Variants in COL27A1 observed in about 807,000 individuals in gnomAD.
COL27A1 encodes the protein collagen alpha-1(XXVII) chain.
A neutral mutation model predicts 251.3 loss-of-function variants in COL27A1; 106 were observed. The observed-to-expected ratio is 0.42, with a 90% CI of 0.36 to 0.50. The LOEUF (loss-of-function observed/expected upper bound fraction) is 0.50. Ranked by LOEUF, COL27A1 falls within the 20% of genes least tolerant of loss-of-function variation. The pLI, the probability that COL27A1 is intolerant of heterozygous loss-of-function variation, is 0.00. For missense variants in COL27A1, 2,325 were observed against 2,522.8 expected (o/e 0.92, Z 1.68); for synonymous variants, 1,000 against 986.3 (o/e 1.01, Z -0.26).
At chr9:114,245,826 T>C in intron 23 of COL27A1, 40 bp from the exon 24 acceptor site, 1 of 1,604,560 alleles carries the variant, frequency 6.2e-7, no homozygotes, top group Non-Finnish European at 8.5e-7. Context: ...TAGACTTTCA[T>C]CTCCCATCCC....
At chr9:114,240,369 T>C in intron 20 of COL27A1, 65 bp from the exon 21 acceptor site, 1 of 1,593,602 alleles carries the variant, frequency 6.3e-7, no homozygotes, top group Non-Finnish European at 8.6e-7. Flanking sequence ...GGGGTTGCCT[T>C]GCCAGCCTGC....
At chr9:114,175,502 C>T (rs533450700) in intron 3 of COL27A1, among the ~76,000 whole-genome samples, 1 of 152,336 alleles carries the variant, frequency 6.6e-6, no homozygotes, top group South Asian at 2.1e-4. Flanking sequence ...TAGCACTGGG[C>T]AGCCGGCGGT....
At chr9:114,291,536 G>A (rs2131630228) in intron 48 of COL27A1, among the ~76,000 whole-genome samples, 1 of 152,280 alleles carries the variant, frequency 6.6e-6, no homozygotes. Flanking sequence ...ATCACTTGAG[G>A]TCAGGAGTTC....
At chr9:114,259,155 G>T (rs1188050423) in intron 28 of COL27A1, among the ~76,000 whole-genome samples, 1 of 152,240 alleles carries the variant, frequency 6.6e-6, no homozygotes, top group Non-Finnish European at 1.5e-5. Flanking sequence ...GGGACTGGCA[G>T]GGGAAGACCT....
At chr9:114,194,278 G>T in intron 5 of COL27A1, 126 bp from the exon 6 acceptor site, 1 of 864,502 alleles carries the variant, frequency 1.2e-6, no homozygotes, top group East Asian at 2.4e-5. Context: ...CTCTGGAGGT[G>T]TGTGAGTGGG....
At chr9:114,233,978 A>G (rs1832158371) in intron 16 of COL27A1, among the ~76,000 whole-genome samples, 1 of 152,014 alleles carries the variant, frequency 6.6e-6, no homozygotes, top group Non-Finnish European at 1.5e-5. Flanking sequence ...TTCACGTTCC[A>G]AGGTTGCTCC....
intron 3 of COL27A1, among the ~76,000 whole-genome samples, chr9:114,174,403 T>C (rs1849540659): frequency 6.6e-6 from 1 of 152,084 alleles, no homozygotes; most frequent in Admixed American, 6.5e-5. Flanking sequence ...GTTAAAACCT[T>C]GAGCAGGGGT....
intron 10 of COL27A1, among the ~76,000 whole-genome samples, chr9:114,207,201 C>G (rs1351752247): frequency 6.6e-6 from 1 of 152,132 alleles, no homozygotes; most frequent in Non-Finnish European, 1.5e-5. Flanking sequence ...TGAGCCAAAG[C>G]TATTTATATT....
rs202076305 is a variant in COL27A1 at position 114,306,719 on chromosome 9, G to A, written c.5107+31G>A. The A allele has an allele frequency of 2.8e-5, 45 of 1,604,330 alleles. 1 individual carries two copies. Among genetic ancestry groups the A allele is most frequent in the East Asian group, 8.9e-5 (4 of 44,792 alleles). ...AAGGCTTCCTGCCGGGGGTGGGTGC[G>A]CCTGGCGGTGGGGAGCTGGGGCAGG... is the stretch of plus-strand genomic sequence containing the variant. On this transcript the variant is annotated intron_variant, in intron 58 of 60. Transcript: ENST00000356083.
chr9:114,274,024 C>T (rs1165101591), intron 36 of COL27A1: 1 of 152,100 alleles, frequency 6.6e-6, no homozygotes, highest in Non-Finnish European at 1.5e-5. Context: ...AGTGGATCAT[C>T]TGAGGTCAGG....
At chr9:114,192,946 G>A (rs1263233647) in intron 5 of COL27A1, among the ~76,000 whole-genome samples, 1 of 152,226 alleles carries the variant, frequency 6.6e-6, no homozygotes, top group African/African-American at 2.4e-5. Flanking sequence ...CTTCCCATGT[G>A]TTATGACCAT....
intron 1 of COL27A1, among the ~76,000 whole-genome samples, chr9:114,162,495 G>A (rs143103306): frequency 7.2e-5 from 11 of 152,276 alleles, no homozygotes; most frequent in Non-Finnish European, 1.5e-4. Context: ...GGCTGTGTTT[G>A]TCTATATAAG....
intron 49 of COL27A1, 96 bp from the exon 50 acceptor site, chr9:114,299,974 C>T (rs1828502676): frequency 2.6e-6 from 3 of 1,144,984 alleles, no homozygotes; most frequent in South Asian, 1.2e-5. Context: ...CCTGGAAAGG[C>T]TGGGAGGGAA....
intron 24 of COL27A1, 112 bp downstream of exon 24, chr9:114,246,022 A>C: frequency 1.1e-6 from 1 of 910,440 alleles, no homozygotes; most frequent in Non-Finnish European, 1.7e-6. Flanking sequence ...TCTCAGAACA[A>C]CTCCAGAGGT....
rs755571956 is a variant in COL27A1, at chr9:114,284,786, T to A, written c.3987+9T>A. On this transcript the variant is annotated intron_variant, in intron 41 of 60. Coordinates refer to ENST00000356083, the MANE Select transcript of COL27A1 (RefSeq NM_032888.4). ...GACCAAAAGGCGAAAAGGTGGGTGTTTGCTCTGGGGAAAGCAGCTGCACCC... is the reference window on the plus strand; with the variant it reads ...GACCAAAAGGCGAAAAGGTGGGTGTATGCTCTGGGGAAAGCAGCTGCACCC... 4.3e-6 allele frequency: 7 copies of A among 1,614,042 alleles called. No individual in the cohort carries two copies. Among genetic ancestry groups the A allele is most frequent in the Non-Finnish European group, 5.9e-6 (7 of 1,180,000 alleles).
At chr9:114,248,568 G>T (rs964628927) in intron 24 of COL27A1, among the ~76,000 whole-genome samples, 1 of 152,154 alleles carries the variant, frequency 6.6e-6, no homozygotes. Context: ...AGCCATGCCC[G>T]CAGCTTTCCA....
intron 2 of COL27A1, among the ~76,000 whole-genome samples, chr9:114,165,343 T>TCATC (rs557977717): frequency 2.4e-4 from 36 of 152,012 alleles, no homozygotes; most frequent in Middle Eastern, 3.4e-3. Flanking sequence ...TATCTATCCA[T>TCATC]CATCCATCCA....
intron 12 of COL27A1, among the ~76,000 whole-genome samples, chr9:114,215,115 T>C (rs1830636644): frequency 1.3e-5 from 2 of 152,212 alleles, no homozygotes; most frequent in Admixed American, 1.3e-4. Context: ...GGGAAGACCC[T>C]AAAGCTTAGA....
chr9:114,307,513 C>A, intron 58 of COL27A1, 156 bp from the exon 59 acceptor site: 1 of 628,166 alleles, frequency 1.6e-6, no homozygotes, highest in Non-Finnish European at 2.9e-6. Context: ...GGTTTCCTTC[C>A]ATCTCGGTTG....
Sources: gnomAD v4.1 joint callset for allele counts (sites outside exome capture counted in the v4.1 genomes callset) on GRCh38, gnomAD v4.1.1 for gene constraint, MANE v1.5 for transcripts, NCBI Gene and HGNC (gene_info 2026-07-23, HGNC 2026-07-21) for gene names.